The following SEL1L2 variants were observed in gnomAD, a reference collection of about 807,000 sequenced individuals.
The protein encoded by SEL1L2 is protein sel-1 homolog 2.
SEL1L2 carries 89 observed loss-of-function variants against 98.8 expected under a neutral mutation model. That is an observed-to-expected ratio of 0.90 (90% CI 0.76 to 1.07). The LOEUF is 1.07. SEL1L2 is among the 50% of genes least tolerant of loss of function. The probability of loss-of-function intolerance (pLI) is 0.00; values close to 1 mark genes in which losing one functional copy is unlikely to be tolerated. For synonymous variants in SEL1L2, 262 were observed against 278.5 expected (o/e 0.94, Z 0.59); for missense variants, 788 against 812.0 (o/e 0.97, Z 0.36).
chr20:13,964,742 AAT>A (rs1160838529), intron 1 of SEL1L2, among the ~76,000 whole-genome samples: 15 of 151,536 alleles, frequency 9.9e-5, no homozygotes, highest in African/African-American at 3.6e-4. Context: ...TCTGCTTCTT[AAT>A]AGTCTTTTTT....
chr20:13,988,870 C>T (rs550261405), intron 1 of SEL1L2, among the ~76,000 whole-genome samples: 3 of 152,130 alleles, frequency 2.0e-5, no homozygotes, highest in African/African-American at 7.2e-5. Context: ...AAAAATTAGC[C>T]AGGCGTGGTG....
chr20:13,922,612 G>A (rs77406770), intron 3 of SEL1L2, among the ~76,000 whole-genome samples: 4,271 of 152,206 alleles, frequency 0.028, 88 homozygotes, highest in Non-Finnish European at 0.041. Context: ...TTTCCGCAGA[G>A]GAAAATAATT....
At chr20:13,927,464 A>C (rs1568985063) in intron 3 of SEL1L2, among the ~76,000 whole-genome samples, 2 of 152,228 alleles carry the variant, frequency 1.3e-5, no homozygotes, top group Non-Finnish European at 2.9e-5. Context: ...AAAATGGCTA[A>C]ATAGTTTTCT....
At chr20:13,869,699 G>T (rs1376407447) in intron 13 of SEL1L2, 109 bp from the exon 14 acceptor site, 1 of 721,774 alleles carries the variant, frequency 1.4e-6, no homozygotes, top group African/African-American at 1.8e-5. Flanking sequence ...GTGATTTAGG[G>T]TAATTAAAAT....
chr20:13,978,782 TGCGGTG>T (rs2051669390), intron 1 of SEL1L2, among the ~76,000 whole-genome samples: 1 of 152,054 alleles, frequency 6.6e-6, no homozygotes, highest in African/African-American at 2.4e-5. Context: ...AATCACCAGG[TGCGGTG>T]GCTCACGCCT....
chr20:13,950,144 G>T (rs1335391630), intron 2 of SEL1L2, among the ~76,000 whole-genome samples: 1 of 152,130 alleles, frequency 6.6e-6, no homozygotes, highest in Non-Finnish European at 1.5e-5. Flanking sequence ...ACAGAAAGTA[G>T]AATGTTGATT....
At chr20:13,877,628 T>C in intron 10 of SEL1L2, 40 bp from the exon 11 acceptor site, 1 of 1,518,940 alleles carries the variant, frequency 6.6e-7, no homozygotes, top group Non-Finnish European at 9.1e-7. Context: ...AGTCACAAAA[T>C]AAATCCTTCA....
At chr20:13,971,663 G>GGTTCA (rs1019818549) in intron 1 of SEL1L2, among the ~76,000 whole-genome samples, 2 of 150,682 alleles carry the variant, frequency 1.3e-5, no homozygotes, top group African/African-American at 2.4e-5. Context: ...TTGAACTCCT[G>GGTTCA]AGCGCAGGTG....
At position 13,887,842 on chromosome 20, in the gene SEL1L2, T is replaced by C; in HGVS notation, c.672A>G (p.Arg224=). ...NMMSQMILGY[R]YLSGINVLQN... ...GTAGAACATTGATTCCCGACAAATA[T>C]CTGTACCCCTAAAACACAGACAGAT... is the stretch of plus-strand genomic sequence containing the variant. Residue 224 remains arginine, a synonymous_variant, in exon 8 of 20, where the codon AGA becomes AGG. Coordinates refer to ENST00000284951, the MANE Select transcript of SEL1L2 (RefSeq NM_025229.2). 1.2e-6 allele frequency: 2 copies of C among 1,613,256 alleles called. No homozygotes were observed. The highest frequency in any genetic ancestry group is 1.7e-4 in the Middle Eastern group (1 of 6,054).
chr20:13,888,898 G>A (rs1480926442), intron 5 of SEL1L2, among the ~76,000 whole-genome samples: 9 of 149,824 alleles, frequency 6.0e-5, no homozygotes, highest in African/African-American at 1.7e-4. Flanking sequence ...TACCCGCCTC[G>A]GCCTCCCAAA....
chr20:13,958,878 G>C lies in SEL1L2; in HGVS notation c.59-2747C>G, dbSNP rs13038877. Among the ~76,000 whole-genome samples the C allele has an allele frequency of 3.7e-3, 550 of 146,976 alleles. 1 individual carries two copies. Among genetic ancestry groups the C allele is most frequent in the Non-Finnish European group, 6.2e-3 (420 of 67,494 alleles). The stretch of plus-strand genomic sequence containing the variant: ...GCAGAGCTTGCAGTGAGCTGAGATC[G>C]ACCCACTGCACTCCAGCCTGGGCGA... On this transcript the variant is annotated intron_variant, in intron 1 of 19. Coordinates refer to ENST00000284951, the MANE Select transcript of SEL1L2 (RefSeq NM_025229.2).
chr20:13,981,408 C>T (rs568334674), intron 1 of SEL1L2, among the ~76,000 whole-genome samples: 6 of 152,224 alleles, frequency 3.9e-5, no homozygotes, highest in South Asian at 2.1e-4. Flanking sequence ...TAGTTAATAA[C>T]GTATTCTGTA....
At chr20:13,966,311 C>T (rs1268332922) in intron 1 of SEL1L2, among the ~76,000 whole-genome samples, 3 of 149,756 alleles carry the variant, frequency 2.0e-5, no homozygotes, top group African/African-American at 4.9e-5. Flanking sequence ...CTTCTTCTTC[C>T]TCTTCTTTCT....
At chr20:13,887,748 T>A (rs145289060) in intron 8 of SEL1L2, 21 bp downstream of exon 8, 31,660 of 1,482,526 alleles carry the variant, frequency 0.021, 449 homozygotes, top group Non-Finnish European at 0.026. Context: ...TATTTTAAAA[T>A]AAATTATGTG....
intron 1 of SEL1L2, among the ~76,000 whole-genome samples, chr20:13,979,026 C>T (rs1204550019): frequency 6.6e-6 from 1 of 152,010 alleles, no homozygotes; most frequent in African/African-American, 2.4e-5. Context: ...TGCAACTGCA[C>T]TCTAGACTGG....
intron 17 of SEL1L2, 95 bp from the exon 18 acceptor site, chr20:13,859,529 A>C: frequency 9.1e-7 from 1 of 1,092,926 alleles, no homozygotes; most frequent in South Asian, 1.6e-5. Flanking sequence ...CAGTCCTTTA[A>C]AATATATATG....
chr20:13,942,565 C>A (rs1251317035), intron 2 of SEL1L2, among the ~76,000 whole-genome samples: 2 of 151,996 alleles, frequency 1.3e-5, no homozygotes, highest in Non-Finnish European at 2.9e-5. Context: ...AGAACCCCTG[C>A]CCTAGGTAAT....
intron 18 of SEL1L2, chr20:13,851,549 T>C (rs1455855734): frequency 6.6e-6 from 1 of 152,196 alleles, no homozygotes; most frequent in African/African-American, 2.4e-5. Context: ...AGGAGCTTTT[T>C]TTTTTCATGA....
At chr20:13,900,242 T>C (rs2047611604) in intron 5 of SEL1L2, among the ~76,000 whole-genome samples, 1 of 152,264 alleles carries the variant, frequency 6.6e-6, no homozygotes, top group Admixed American at 6.5e-5. Flanking sequence ...AAAATGTCTT[T>C]ATTTCATCTA....
Sources: allele counts gnomAD v4.1 joint callset (sites outside exome capture counted in the v4.1 genomes callset), GRCh38; gene constraint gnomAD v4.1.1; transcripts MANE v1.5; gene names NCBI Gene and HGNC (gene_info 2026-07-23, HGNC 2026-07-21).